The following ERICH1 variants were observed in gnomAD, a reference collection of about 807,000 sequenced individuals.
ERICH1 encodes glutamate rich 1.
A neutral mutation model predicts 39.6 loss-of-function variants in ERICH1; 56 were observed. That is an observed-to-expected ratio of 1.41 (90% CI 1.14 to 1.77). ERICH1 has a LOEUF of 1.77. Among genes scored for constraint, ERICH1 ranks in the 40% most tolerant of loss-of-function variants. The pLI, the probability that ERICH1 is intolerant of heterozygous loss-of-function variation, is 0.00. For missense variants in ERICH1, 826 were observed against 575.4 expected (o/e 1.44, Z -4.45); for synonymous variants, 313 against 223.6 (o/e 1.40, Z -3.57).
At chr8:710,857 C>T (rs1340934400) in intron 2 of ERICH1, among the ~76,000 whole-genome samples, 5 of 152,174 alleles carry the variant, frequency 3.3e-5, no homozygotes, top group Non-Finnish European at 7.3e-5. Context: ...GGTTTATTGA[C>T]GTTTTCCATC....
At chr8:668,379 A>C in intron 5 of ERICH1, 1 of 584,626 alleles carries the variant, frequency 1.7e-6, no homozygotes, top group Non-Finnish European at 3.0e-6. Flanking sequence ...CCGGAAACTT[A>C]GACTGCACAT....
intron 4 of ERICH1, among the ~76,000 whole-genome samples, chr8:671,118 C>A (rs62487378): frequency 0.016 from 2,411 of 151,700 alleles, 8 homozygotes; most frequent in Middle Eastern, 0.038. Context: ...GGTCCCCAGG[C>A]TCCGACCTCT....
intron 3 of ERICH1, among the ~76,000 whole-genome samples, chr8:629,319 A>T (rs1797782815): frequency 6.6e-6 from 1 of 151,286 alleles, no homozygotes; most frequent in African/African-American, 2.4e-5. Context: ...GACCACCCAC[A>T]GAGACAGAGC....
chr8:649,550 G>A (rs993141066), intron 3 of ERICH1, among the ~76,000 whole-genome samples: 1 of 152,002 alleles, frequency 6.6e-6, no homozygotes, highest in Non-Finnish European at 1.5e-5. Context: ...CAGGGGAGAG[G>A]TGAGCCCTGT....
At chr8:641,957 T>A (rs560635772) in intron 3 of ERICH1, among the ~76,000 whole-genome samples, 2 of 152,328 alleles carry the variant, frequency 1.3e-5, no homozygotes, top group East Asian at 3.9e-4. Context: ...GAGGCATCTA[T>A]TAAATTGTTA....
At chr8:699,858 C>T (rs1585443445) in intron 2 of ERICH1, among the ~76,000 whole-genome samples, 1 of 108,690 alleles carries the variant, frequency 9.2e-6, no homozygotes. Context: ...CCCGCACACG[C>T]GCACAGACCC....
intron 4 of ERICH1, among the ~76,000 whole-genome samples, chr8:671,524 C>A (rs1395771738): frequency 2.0e-5 from 3 of 146,894 alleles, no homozygotes; most frequent in Non-Finnish European, 4.5e-5. Context: ...GGGCTCCAGG[C>A]TCCGACCTCT....
chr8:674,058 A>G lies in ERICH1; in HGVS notation c.305-11T>C. ...CATGAGGATCCTGATCTGTTAAAAA[A>G]ATTCAAATATAACAATTTTCAGTAC... On this transcript the variant is annotated splice_polypyrimidine_tract_variant and intron_variant, in intron 3 of 5. Coordinates refer to ENST00000262109, the MANE Select transcript of ERICH1 (RefSeq NM_207332.3). The G allele has an allele frequency of 2.6e-6, 4 of 1,523,634 alleles. No homozygotes were observed. The highest frequency in any genetic ancestry group is 3.5e-6 in the Non-Finnish European group (4 of 1,149,680). The allele number at this position is 1,523,634 out of a possible 1,614,324, so 94.4% of individuals were successfully genotyped here. A position where few individuals can be genotyped will look rare whatever the true frequency, so the allele number is the denominator to read the frequency against.
chr8:627,435 G>A (rs531242771), intron 3 of ERICH1, among the ~76,000 whole-genome samples: 1 of 152,258 alleles, frequency 6.6e-6, no homozygotes, highest in South Asian at 2.1e-4. Context: ...CTCTCCCAGG[G>A]GTCAGGCATT....
At chr8:726,844 G>T (rs1335164310) in intron 1 of ERICH1, among the ~76,000 whole-genome samples, 1 of 150,652 alleles carries the variant, frequency 6.6e-6, no homozygotes, top group Non-Finnish European at 1.5e-5. Flanking sequence ...ACACCACACA[G>T]GCACATACGT....
intron 3 of ERICH1, among the ~76,000 whole-genome samples, chr8:674,296 C>CT (rs11372589): frequency 0.67 from 73,938 of 109,812 alleles, 25,479 homozygotes; most frequent in East Asian, 0.86. Flanking sequence ...CAAGTTGTTG[C>CT]TTTTTTTTTT....
chr8:634,194 A>AC lies in ERICH1; in HGVS notation c.977-18911_977-18910insG, dbSNP rs79875884. On this transcript the variant is annotated intron_variant, in intron 3 of 3. Coordinates refer to the ERICH1 transcript ENST00000522706. The stretch of plus-strand genomic sequence containing the variant: ...AAAAAAAAAAAAAAAAAACAAACAA[A>AC]AAAAACCCTGATTCAAAAATGGCCA... Among the ~76,000 whole-genome samples the AC allele has an allele frequency of 1.2e-3, 177 of 151,368 alleles. 3 individuals carry two copies. The highest frequency in any genetic ancestry group is 4.0e-3 in the African/African-American group (163 of 41,048).
At chr8:615,089 T>G (rs111618418) in exon 4 of ERICH1, 73 of 594,294 alleles carry the variant, frequency 1.2e-4, no homozygotes, top group Non-Finnish European at 2.0e-4. Context: ...ATCTCAGCTC[T>G]CGTCAGCCTT....
At chr8:622,398 A>C (rs1797339003) in intron 3 of ERICH1, among the ~76,000 whole-genome samples, 1 of 152,142 alleles carries the variant, frequency 6.6e-6, no homozygotes, top group Non-Finnish European at 1.5e-5. Context: ...TGCTTTTATA[A>C]AAGAGGCCCC....
intron 3 of ERICH1, chr8:656,959 T>C (rs560203138): frequency 2.8e-5 from 18 of 637,192 alleles, no homozygotes; most frequent in Non-Finnish European, 3.3e-5. Flanking sequence ...TAGTGCAAAA[T>C]AATTTTTAAG....
intron 3 of ERICH1, among the ~76,000 whole-genome samples, chr8:639,135 A>G (rs1204733354): frequency 1.3e-5 from 2 of 152,094 alleles, no homozygotes; most frequent in East Asian, 3.9e-4. Flanking sequence ...CCATCTGGGG[A>G]AGCTGGAAAT....
chr8:711,622 C>T (rs1417157947), intron 2 of ERICH1, among the ~76,000 whole-genome samples: 6 of 152,156 alleles, frequency 3.9e-5, no homozygotes, highest in South Asian at 2.1e-4. Context: ...CTCAGCCTAC[C>T]GAGTGGCTGG....
chr8:705,478 G>C (rs1308255963), intron 2 of ERICH1, among the ~76,000 whole-genome samples: 3 of 151,968 alleles, frequency 2.0e-5, no homozygotes, highest in African/African-American at 7.3e-5. Flanking sequence ...AAAATATGTT[G>C]TTCATGATTA....
chr8:724,523 G>C (rs527950731), intron 1 of ERICH1, among the ~76,000 whole-genome samples: 1 of 152,064 alleles, frequency 6.6e-6, no homozygotes, highest in East Asian at 1.9e-4. Context: ...GCACTGCCCC[G>C]ACGGGGGCGG....
Sources: allele counts gnomAD v4.1 joint callset (sites outside exome capture counted in the v4.1 genomes callset), GRCh38; gene constraint gnomAD v4.1.1; transcripts MANE v1.5; gene names NCBI Gene and HGNC (gene_info 2026-07-23, HGNC 2026-07-21).